The following GPR4 variants were observed in gnomAD, a reference collection of about 807,000 sequenced individuals.
The protein encoded by GPR4 is G-prodeshotein coupled receptor 4.
In GPR4, 11 loss-of-function variants were observed where a neutral mutation model predicts 17.8. That is an observed-to-expected ratio of 0.62 (90% CI 0.39 to 1.02). The LOEUF (loss-of-function observed/expected upper bound fraction) is 1.02, where lower values mean the gene tolerates loss of function less well. Among genes scored for constraint, GPR4 ranks in the 50% least tolerant of loss-of-function variants. The pLI is 0.00. For missense variants in GPR4, 364 were observed against 495.4 expected, an observed-to-expected ratio of 0.73 and a Z score of 2.52; for synonymous variants, 219 against 222.8, an observed-to-expected ratio of 0.98 and a Z score of 0.15.
Position 45,589,818 on chromosome 19 carries a change from G to C in GPR4, c.*960C>G, listed in dbSNP as rs1448372837. 6 of 152,296 alleles carry C rather than the reference G, an allele frequency of 3.9e-5. No individual in the cohort carries two copies. The East Asian group carries it at 9.6e-4, about 24-fold the overall frequency. The allele number at this position is 152,296 out of a possible 1,614,324, so 9.4% of individuals were successfully genotyped here. On this transcript the variant is annotated 3_prime_UTR_variant, in exon 2 of 2. Coordinates refer to ENST00000323040, the MANE Select transcript of GPR4 (RefSeq NM_005282.3). The stretch of plus-strand genomic sequence containing the variant: ...TATTTACTTGTGTATGGTGAGCCCT[G>C]TGAAGGCAAGGCCAGGCTGCCTCAG...
intron 1 of GPR4, among the ~76,000 whole-genome samples, chr19:45,601,300 G>A (rs530722074): frequency 5.1e-4 from 77 of 152,336 alleles, no homozygotes; most frequent in Non-Finnish European, 8.4e-4. Context: ...TTCCAGGGGG[G>A]AGAGTGAGGC....
At chr19:45,598,057 ACCTC>A (rs1600025018) in intron 1 of GPR4, among the ~76,000 whole-genome samples, 2 of 148,430 alleles carry the variant, frequency 1.3e-5, no homozygotes, top group East Asian at 4.0e-4. Flanking sequence ...ACTCAAAATA[ACCTC>A]CCTCCCCTCT....
intron 1 of GPR4, among the ~76,000 whole-genome samples, chr19:45,594,063 A>ATATATATATATATTTT: frequency 2.8e-5 from 1 of 36,244 alleles, no homozygotes; most frequent in East Asian, 6.3e-4. Flanking sequence ...AAAAAAAAAA[A>ATATATATATATATTTT]ATATATATAT....
chr19:45,592,768 A>G (rs1970011808), intron 1 of GPR4, 71 bp from the exon 2 acceptor site: 1 of 164,512 alleles, frequency 6.1e-6, no homozygotes, highest in Non-Finnish European at 1.5e-5. Context: ...ACTCCTCACC[A>G]TAATTGCTGT....
At position 45,592,123 on chromosome 19, in the gene GPR4, A is replaced by T; in HGVS notation, c.-257T>A. The T allele has an allele frequency of 2.3e-6, 1 of 437,568 alleles. No individual in the cohort carries two copies. The allele number at this position is 437,568 out of a possible 1,614,324, so 27.1% of individuals were successfully genotyped here. A position where few individuals can be genotyped will look rare whatever the true frequency, so the allele number is the denominator to read the frequency against. On this transcript the variant is annotated 5_prime_UTR_variant, in exon 2 of 2. Transcript: ENST00000323040. ...CTGGAGGATGGTGAGATTAATAAAGAGGTTTTTCAAGGAGGTTATGTATGG... is the reference window on the plus strand; with the variant it reads ...CTGGAGGATGGTGAGATTAATAAAGTGGTTTTTCAAGGAGGTTATGTATGG...
intron 1 of GPR4, among the ~76,000 whole-genome samples, chr19:45,596,179 G>A (rs1045260684): frequency 1.3e-5 from 2 of 151,422 alleles, no homozygotes; most frequent in South Asian, 2.1e-4. Flanking sequence ...ATGGCAGCCA[G>A]AAAGATCTTT....
chr19:45,599,705 G>T (rs1970094243), intron 1 of GPR4: 1 of 152,180 alleles, frequency 6.6e-6, no homozygotes, highest in Admixed American at 6.5e-5. Flanking sequence ...TGGTTCTGCA[G>T]TCTTCAGGTT....
At chr19:45,594,076 A>ATATATATATATATATATATATATTT (rs1555738331) in intron 1 of GPR4, among the ~76,000 whole-genome samples, 1 of 74,006 alleles carries the variant, frequency 1.4e-5, no homozygotes, top group African/African-American at 9.8e-5. Flanking sequence ...ATATATATAT[A>ATATATATATATATATATATATATTT]TATATATATA....
chr19:45,600,549 T>C (rs952811420), intron 1 of GPR4, among the ~76,000 whole-genome samples: 17 of 152,166 alleles, frequency 1.1e-4, no homozygotes, highest in Admixed American at 3.3e-4. Flanking sequence ...TCCCTCCTCA[T>C]TGAGAAGACC....
Position 45,591,901 on chromosome 19 carries a change from G to A in GPR4, c.-35C>T, listed in dbSNP as rs1411567270. ...TTCGGCTTCTGGGGCGCTTCCCCTG[G>A]CCCACGGGGGCTGTGGGGCCACAGG... is the stretch of plus-strand genomic sequence containing the variant. On this transcript the variant is annotated 5_prime_UTR_variant, in exon 2 of 2. Coordinates refer to ENST00000323040, the MANE Select transcript of GPR4 (RefSeq NM_005282.3). The surrounding 1 kb of genome is among the most constrained non-coding windows in gnomAD (Gnocchi z 7.6). 5 of 1,526,642 alleles carry A rather than the reference G, an allele frequency of 3.3e-6. No homozygotes were observed. The highest frequency in any genetic ancestry group is 1.8e-6 in the Non-Finnish European group (2 of 1,136,988). 94.6% of individuals were successfully genotyped at this position (1,526,642 alleles called of 1,614,324 possible).
intron 1 of GPR4, among the ~76,000 whole-genome samples, chr19:45,601,573 A>T (rs1970112515): frequency 6.6e-6 from 1 of 152,108 alleles, no homozygotes; most frequent in African/African-American, 2.4e-5. Flanking sequence ...GATGCGGAGG[A>T]TTTGGAAGGA....
intron 1 of GPR4, among the ~76,000 whole-genome samples, chr19:45,597,803 G>C (rs1448531922): frequency 6.6e-6 from 1 of 152,102 alleles, no homozygotes; most frequent in Non-Finnish European, 1.5e-5. Flanking sequence ...GTGGTCAGGG[G>C]AGAGCTGGAA....
In GPR4 at chr19:45,595,308, TAAATAAATAAAA is replaced by T. The variant is rs1298726954; in HGVS notation, c.-831-2623_-831-2612del. ...ATAAATAAATAAATAAATAAATAAA[TAAATAAATAAAA>T]AATAACTGGACAGAAAAGGGCCCTG... On this transcript the variant is annotated intron_variant, in intron 1 of 1. Transcript: ENST00000323040. Among the ~76,000 whole-genome samples the T allele has an allele frequency of 3.5e-3, 496 of 141,216 alleles. 2 individuals carry two copies. Among genetic ancestry groups the T allele is most frequent in the Admixed American group, 6.2e-3 (85 of 13,758 alleles). The allele number at this position is 141,216 out of a possible 152,430, so 92.6% of individuals were successfully genotyped here. A position where few individuals can be genotyped will look rare whatever the true frequency, so the allele number is the denominator to read the frequency against.
Position 45,590,736 on chromosome 19 carries a change from G to A in GPR4, c.*42C>T, listed in dbSNP as rs375682884. ...ACCAGACCAGGAGAGAAGGGACTGT[G>A]GGATGAGAGGGGAAAACTGGGGATT... On this transcript the variant is annotated 3_prime_UTR_variant, in exon 2 of 2. Coordinates refer to ENST00000323040, the MANE Select transcript of GPR4 (RefSeq NM_005282.3). 400 of 1,531,110 alleles carry A rather than the reference G, an allele frequency of 2.6e-4. 4 individuals are homozygous for A. The South Asian group carries it at 3.1e-3, about 12-fold the overall frequency. 94.8% of individuals were successfully genotyped at this position (1,531,110 alleles called of 1,614,324 possible).
chr19:45,598,613 C>T (rs1263562724), intron 1 of GPR4, among the ~76,000 whole-genome samples: 2 of 152,072 alleles, frequency 1.3e-5, no homozygotes, highest in East Asian at 1.9e-4. Context: ...ATCTGCCCAA[C>T]GTGGAAACCC....
intron 1 of GPR4, among the ~76,000 whole-genome samples, chr19:45,596,863 T>C (rs1271938336): frequency 6.6e-6 from 1 of 151,962 alleles, no homozygotes; most frequent in East Asian, 1.9e-4. Flanking sequence ...GTTACTTCCC[T>C]GCTTGAAACC....
Position 45,592,196 on chromosome 19 carries a change from T to C in GPR4, c.-330A>G. On this transcript the variant is annotated 5_prime_UTR_variant, in exon 2 of 2. Transcript: ENST00000323040. ...TATGGGGGTGACACAAAAATTGGTC[T>C]CCGGGAGTGTTTATGGAGGAGACGA... 1 of 270,750 alleles carries C rather than the reference T, an allele frequency of 3.7e-6. No individual in the cohort carries two copies. Among genetic ancestry groups the C allele is most frequent in the Non-Finnish European group, 7.5e-6 (1 of 133,548 alleles). The allele number at this position is 270,750 out of a possible 1,614,324, so 16.8% of individuals were successfully genotyped here. A position where few individuals can be genotyped will look rare whatever the true frequency, so the allele number is the denominator to read the frequency against.
rs1029451977 is a variant in GPR4 at position 45,602,163 on chromosome 19, A to C, written c.-900T>G. The C allele has an allele frequency of 1.3e-5, 2 of 152,114 alleles. No individual in the cohort carries two copies. Among genetic ancestry groups the C allele is most frequent in the East Asian group, 1.9e-4 (1 of 5,184 alleles). 9.4% of individuals were successfully genotyped at this position (152,114 alleles called of 1,614,324 possible). On this transcript the variant is annotated 5_prime_UTR_variant, in exon 1 of 2. Coordinates refer to ENST00000323040, the MANE Select transcript of GPR4 (RefSeq NM_005282.3). ...CGCTGCGTCCAGGTCCCCGGTCTTG[A>C]CAACGGCGCGGGGACCCAGCGGATG...
At chr19:45,596,098 G>A (rs565815532) in intron 1 of GPR4, among the ~76,000 whole-genome samples, 123 of 152,248 alleles carry the variant, frequency 8.1e-4, no homozygotes, top group South Asian at 2.5e-3. Context: ...GTCATCACTC[G>A]CTGGGATCAT....
Sources: allele counts gnomAD v4.1 joint callset (sites outside exome capture counted in the v4.1 genomes callset), GRCh38; gene constraint gnomAD v4.1.1; non-coding constraint Gnocchi (gnomAD v3.1); transcripts MANE v1.5; gene names NCBI Gene and HGNC (gene_info 2026-07-23, HGNC 2026-07-21).